Variants in ATP2C2 observed in about 807,000 individuals in gnomAD.
ATP2C2 encodes calcium-transporting ATPase type 2C member 2.
A neutral mutation model predicts 110.8 loss-of-function variants in ATP2C2; 171 were observed. That is an observed-to-expected ratio of 1.54 (90% CI 1.36 to 1.75). The LOEUF is 1.75. Ranked by LOEUF, ATP2C2 falls within the 40% of genes most tolerant of loss-of-function variation. ATP2C2 has a pLI of 0.00. For synonymous variants in ATP2C2, 804 were observed against 508.4 expected, an observed-to-expected ratio of 1.58 and a Z score of -7.82; for missense variants, 1,963 against 1,235.0, an observed-to-expected ratio of 1.59 and a Z score of -8.84.
intron 18 of ATP2C2, 140 bp from the exon 19 acceptor site, chr16:84,452,998 C>A: frequency 1.3e-6 from 1 of 785,270 alleles, no homozygotes; most frequent in Non-Finnish European, 2.0e-6. Context: ...AGAACCGAGG[C>A]CGTGCAGCAT....
At chr16:84,434,352 G>T (rs1186259530) in intron 11 of ATP2C2, among the ~76,000 whole-genome samples, 3 of 151,578 alleles carry the variant, frequency 2.0e-5, no homozygotes, top group African/African-American at 7.3e-5. Flanking sequence ...GGAGGCGGAG[G>T]TTGCGGTGAG....
chr16:84,453,376 G>C lies in ATP2C2; in HGVS notation c.1980+5G>C. 2 of 1,614,104 alleles carry C rather than the reference G, an allele frequency of 1.2e-6. No individual in the cohort carries two copies. The highest frequency in any genetic ancestry group is 1.1e-5 in the South Asian group (1 of 91,080). On this transcript the variant is annotated splice_donor_5th_base_variant and intron_variant, in intron 20 of 26. Transcript: ENST00000262429. ...CACAAGCTCAAAATCATCAAGGTTC[G>C]CTGGGCAAGGCAGGCACAGGCTGCG... is the stretch of plus-strand genomic sequence containing the variant.
At chr16:84,427,300 C>T (rs751991216) in intron 11 of ATP2C2, among the ~76,000 whole-genome samples, 17 of 152,152 alleles carry the variant, frequency 1.1e-4, no homozygotes, top group East Asian at 5.8e-4. Context: ...GAATATTTTT[C>T]AGCCACAGAA....
intron 11 of ATP2C2, among the ~76,000 whole-genome samples, chr16:84,436,442 C>G (rs951259453): frequency 6.6e-6 from 1 of 152,130 alleles, no homozygotes; most frequent in African/African-American, 2.4e-5. Context: ...CCGGGCGTGT[C>G]TCGAGGGGCT....
intron 1 of ATP2C2, among the ~76,000 whole-genome samples, chr16:84,387,765 C>T (rs1239138546): frequency 6.6e-6 from 1 of 152,096 alleles, no homozygotes; most frequent in East Asian, 1.9e-4. Context: ...CCTTCTCAGA[C>T]AGCTCTGGGT....
chr16:84,462,000 T>C lies in ATP2C2; in HGVS notation c.2593T>C (p.Phe865Leu), dbSNP rs777410778. 1.2e-6 allele frequency: 2 copies of C among 1,613,750 alleles called. No homozygotes were observed. The highest frequency in any genetic ancestry group is 2.2e-5 in the East Asian group (1 of 44,852). The change falls in exon 26 of 27, where the codon TTT becomes CTT. Residue 865 changes from phenylalanine (F) to leucine (L), a missense_variant. By Grantham distance (22) the Phe-to-Leu change is conservative. Transcript: ENST00000262429. ...LTCRSQTKLI[F>L]EIGFLRNHMF... Reference sequence around the variant, plus strand: ...CTTCTCCCTGCAGACCAAGCTGATATTTGAGATCGGCTTTCTCAGGAACCA... The same window carrying C: ...CTTCTCCCTGCAGACCAAGCTGATACTTGAGATCGGCTTTCTCAGGAACCA...
At chr16:84,424,184 C>T (rs1219482143) in intron 10 of ATP2C2, among the ~76,000 whole-genome samples, 2 of 152,212 alleles carry the variant, frequency 1.3e-5, no homozygotes, top group African/African-American at 4.8e-5. Flanking sequence ...AGAGAACAGT[C>T]TTGAGAGAAA....
At chr16:84,434,126 C>T (rs1022321552) in intron 11 of ATP2C2, among the ~76,000 whole-genome samples, 9 of 152,024 alleles carry the variant, frequency 5.9e-5, no homozygotes, top group Non-Finnish European at 1.2e-4. Context: ...TTTTTTAAAA[C>T]GAATTCCTGG....
intron 1 of ATP2C2, among the ~76,000 whole-genome samples, chr16:84,387,213 C>T (rs1233397234): frequency 6.6e-6 from 1 of 152,198 alleles, no homozygotes; most frequent in Non-Finnish European, 1.5e-5. Context: ...ATGGTCACAG[C>T]AGTGTCCTAT....
chr16:84,425,548 G>C (rs1907733584), intron 10 of ATP2C2, among the ~76,000 whole-genome samples, 187 bp from the exon 11 acceptor site: 1 of 152,154 alleles, frequency 6.6e-6, no homozygotes, highest in Non-Finnish European at 1.5e-5. Flanking sequence ...AGTAAAATCG[G>C]GTTTTTGTAG....
intron 11 of ATP2C2, among the ~76,000 whole-genome samples, chr16:84,427,460 G>A (rs1025811340): frequency 2.0e-5 from 3 of 152,284 alleles, no homozygotes; most frequent in East Asian, 3.9e-4. Flanking sequence ...GCTCATACCT[G>A]TAATCCTAGC....
intron 1 of ATP2C2, 105 bp downstream of exon 1, chr16:84,368,819 C>G (rs1909784663): frequency 3.2e-6 from 3 of 946,024 alleles, no homozygotes; most frequent in Non-Finnish European, 4.7e-6. Flanking sequence ...GATCCGCGAA[C>G]TCGCCCTCCT....
At chr16:84,381,076 G>T (rs1314231792) in intron 1 of ATP2C2, among the ~76,000 whole-genome samples, 1 of 152,206 alleles carries the variant, frequency 6.6e-6, no homozygotes, top group African/African-American at 2.4e-5. Flanking sequence ...TTTCACCTGG[G>T]TGCAGGCGGG....
At chr16:84,383,392 T>C (rs952044169) in intron 1 of ATP2C2, among the ~76,000 whole-genome samples, 2 of 152,208 alleles carry the variant, frequency 1.3e-5, no homozygotes, top group South Asian at 4.1e-4. Context: ...ACTTGAACTT[T>C]TGGTGAGATA....
rs1463959842 is a variant in ATP2C2 at position 84,460,664 on chromosome 16, G to C, written c.2344G>C (p.Glu782Gln). The change falls in exon 24 of 27, where the codon GAG becomes CAG. Residue 782 changes from glutamate (E) to glutamine (Q), a missense_variant. By Grantham distance (29) the Glu-to-Gln change is conservative. Coordinates refer to ENST00000262429, the MANE Select transcript of ATP2C2 (RefSeq NM_014861.4). ...DGPPAQSLGV[E>Q]PVDKDAFRQP... Reference sequence around the variant, plus strand: ...TCTTGTTCGGAGCAGCTTGGGGGTAGAGCCCGTTGACAAAGACGCCTTCAG... The same window carrying C: ...TCTTGTTCGGAGCAGCTTGGGGGTACAGCCCGTTGACAAAGACGCCTTCAG... 1 of 1,614,220 alleles carries C rather than the reference G, an allele frequency of 6.2e-7. No individual in the cohort carries two copies. Among genetic ancestry groups the C allele is most frequent in the Non-Finnish European group, 8.5e-7 (1 of 1,180,040 alleles).
chr16:84,404,270 G>A (rs1196587633), intron 2 of ATP2C2, among the ~76,000 whole-genome samples: 1 of 152,158 alleles, frequency 6.6e-6, no homozygotes, highest in Admixed American at 6.5e-5. Context: ...TCAGCAAAGC[G>A]GGTTACATTA....
chr16:84,448,779 G>A (rs988426350), intron 17 of ATP2C2, 90 bp downstream of exon 17: 16 of 1,507,100 alleles, frequency 1.1e-5, no homozygotes, highest in African/African-American at 1.4e-5. Flanking sequence ...AGTCAAGGAG[G>A]TCACCCGTCC....
chr16:84,415,451 G>C, intron 6 of ATP2C2, 32 bp from the exon 7 acceptor site: 1 of 1,568,734 alleles, frequency 6.4e-7, no homozygotes, highest in Non-Finnish European at 8.8e-7. Flanking sequence ...TGTCAGCATG[G>C]ATGCTTTTGC....
intron 6 of ATP2C2, among the ~76,000 whole-genome samples, chr16:84,412,414 CTG>C (rs71151210): frequency 4.8e-5 from 7 of 146,992 alleles, no homozygotes; most frequent in East Asian, 4.1e-4. Flanking sequence ...GTGCATGTGT[CTG>C]TGTATGTGTG....
Sources: gnomAD v4.1 joint callset for allele counts (sites outside exome capture counted in the v4.1 genomes callset) on GRCh38, gnomAD v4.1.1 for gene constraint, MANE v1.5 for transcripts, NCBI Gene and HGNC (gene_info 2026-07-23, HGNC 2026-07-21) for gene names.